The following NRXN3 variants were observed in gnomAD, a reference collection of about 807,000 sequenced individuals.
The protein encoded by NRXN3 is neurexin 3.
NRXN3 carries 32 observed loss-of-function variants against 137.6 expected under a neutral mutation model. The ratio of observed to expected loss-of-function variants is 0.23; its 90% CI spans 0.18 to 0.31. The LOEUF (loss-of-function observed/expected upper bound fraction) is 0.31, where lower values mean the gene tolerates loss of function less well. NRXN3 is among the 10% of genes least tolerant of loss of function. The pLI, the probability that NRXN3 is intolerant of heterozygous loss-of-function variation, is 1.00. For synonymous variants in NRXN3, 798 were observed against 784.5 expected (o/e 1.02, Z -0.29); for missense variants, 1,574 against 2,062.5 (o/e 0.76, Z 4.59).
chr14:78,211,417 G>A (rs1010237716), intron 1 of NRXN3, among the ~76,000 whole-genome samples: 5 of 152,192 alleles, frequency 3.3e-5, no homozygotes, highest in Admixed American at 6.5e-5. Flanking sequence ...CCACCACTGT[G>A]GGTAGAGTTT....
At chr14:79,287,577 T>C (rs2082479135) in intron 15 of NRXN3, among the ~76,000 whole-genome samples, 2 of 152,200 alleles carry the variant, frequency 1.3e-5, no homozygotes, top group Admixed American at 1.3e-4. Flanking sequence ...GAAGTACTTC[T>C]TTTAATGCAA....
intron 15 of NRXN3, among the ~76,000 whole-genome samples, chr14:79,148,436 CT>C (rs2059500352): frequency 6.6e-6 from 1 of 152,150 alleles, no homozygotes; most frequent in African/African-American, 2.4e-5. Flanking sequence ...TTATTTCAGA[CT>C]CGGGAGTAGG....
chr14:78,350,784 T>C (rs1232278247), intron 4 of NRXN3, among the ~76,000 whole-genome samples: 1 of 152,078 alleles, frequency 6.6e-6, no homozygotes, highest in African/African-American at 2.4e-5. Context: ...GAGGGAACAA[T>C]GTAGACATAT....
intron 4 of NRXN3, among the ~76,000 whole-genome samples, chr14:78,434,022 A>G (rs2093979487): frequency 6.6e-6 from 1 of 152,202 alleles, no homozygotes; most frequent in South Asian, 2.1e-4. Flanking sequence ...AGCCCAGCCT[A>G]CGTTAAACAT....
chr14:79,290,999 G>T (rs2083093369), intron 15 of NRXN3, among the ~76,000 whole-genome samples: 1 of 152,178 alleles, frequency 6.6e-6, no homozygotes, highest in Admixed American at 6.6e-5. Context: ...CTCAGCTGTG[G>T]GGAGAATTTG....
Position 78,645,256 on chromosome 14 carries a change from C to A in NRXN3, c.894C>A (p.His298Gln). The change falls in exon 5 of 21, where the codon CAC becomes CAA. Residue 298 changes from histidine to glutamine, a missense_variant. By Grantham distance (24) the His-to-Gln change is conservative (BLOSUM62 0). Transcript: ENST00000335750. Reference protein sequence around the residue: ...KTWQRNGLILHTGKSADYVNL... With the variant: ...KTWQRNGLILQTGKSADYVNL... Reference sequence around the variant, plus strand: ...GGCAGCGTAACGGCCTCATCCTGCACACGGGCAAGTCGGCTGACTATGTCA... The same window carrying A: ...GGCAGCGTAACGGCCTCATCCTGCAAACGGGCAAGTCGGCTGACTATGTCA... 6.3e-7 allele frequency: 1 copy of A among 1,598,888 alleles called. No individual in the cohort carries two copies. Among genetic ancestry groups the A allele is most frequent in the Non-Finnish European group, 8.5e-7 (1 of 1,179,812 alleles).
chr14:79,467,198 T>C lies in NRXN3; in HGVS notation c.3263-23T>C, dbSNP rs1258724370. 4 of 1,583,082 alleles carry C rather than the reference T, an allele frequency of 2.5e-6. No homozygotes were observed. The East Asian group carries it at 6.8e-5, about 27-fold the overall frequency. On this transcript the variant is annotated intron_variant, in intron 15 of 20. Transcript: ENST00000335750. Reference sequence around the variant, plus strand: ...GTATGCAATGTAGTGCCTTGATGTCTCCCTCTCTCCTTGCTTTTGCAGCTG... The same window carrying C: ...GTATGCAATGTAGTGCCTTGATGTCCCCCTCTCTCCTTGCTTTTGCAGCTG...
At chr14:78,812,160 C>A (rs965498120) in intron 10 of NRXN3, among the ~76,000 whole-genome samples, 3 of 152,170 alleles carry the variant, frequency 2.0e-5, no homozygotes, top group African/African-American at 7.2e-5. Flanking sequence ...CCCAAGATTT[C>A]TTTTCTGGTC....
chr14:78,841,881 A>C (rs926235101), intron 10 of NRXN3, among the ~76,000 whole-genome samples: 4 of 152,140 alleles, frequency 2.6e-5, no homozygotes, highest in Non-Finnish European at 5.9e-5. Context: ...TAATTTTAAT[A>C]AGTTTGGTAG....
intron 16 of NRXN3, among the ~76,000 whole-genome samples, chr14:79,486,515 C>CAA (rs777845638): frequency 7.2e-5 from 11 of 152,168 alleles, no homozygotes; most frequent in African/African-American, 9.7e-5. Context: ...ACCATGGTGA[C>CAA]AAACGGAGCC....
intron 2 of NRXN3, 79 bp from the exon 3 acceptor site, chr14:78,278,566 T>C: frequency 1.9e-6 from 2 of 1,057,382 alleles, no homozygotes; most frequent in Admixed American, 2.0e-5. Flanking sequence ...TGTGTGTGTG[T>C]GCTGCTAACA....
intron 4 of NRXN3, among the ~76,000 whole-genome samples, chr14:78,325,662 C>A (rs764596506): frequency 2.0e-5 from 3 of 151,912 alleles, no homozygotes; most frequent in Admixed American, 6.6e-5. Flanking sequence ...TGAAAAAAAG[C>A]ATAGGGTGTA....
chr14:78,811,990 T>C (rs2098915143), intron 10 of NRXN3, among the ~76,000 whole-genome samples: 1 of 152,216 alleles, frequency 6.6e-6, no homozygotes, highest in Non-Finnish European at 1.5e-5. Context: ...TTTCTGTTCC[T>C]GTTTTTTTGG....
chr14:78,662,000 G>C (rs574607574), intron 6 of NRXN3, among the ~76,000 whole-genome samples: 1 of 150,784 alleles, frequency 6.6e-6, no homozygotes, highest in African/African-American at 2.4e-5. Flanking sequence ...CTCAGTCTCC[G>C]AAGTAGCTGG....
rs148560428 is a variant in NRXN3, at chr14:78,573,641, G to T, written c.758-71479G>T. ...TTTCTAAGCAGCAAATCATTCAAGA[G>T]GTGACTTGGGTGTTCTTAAAAGCAT... On this transcript the variant is annotated intron_variant, in intron 4 of 20. Coordinates refer to ENST00000335750, the MANE Select transcript of NRXN3 (RefSeq NM_001330195.2). 6.3e-3 allele frequency among the ~76,000 whole-genome samples: 953 copies of T among 152,322 alleles called. 43 individuals are homozygous for T. Among genetic ancestry groups the T allele is most frequent in the Admixed American group, 0.053 (817 of 15,300 alleles).
chr14:78,715,045 C>T lies in NRXN3; in HGVS notation c.1950C>T (p.Tyr650=), dbSNP rs1245636143. The part of the protein sequence containing the change: ...SRMSAKQCDS[Y]PCKNNAVCKD... The stretch of plus-strand genomic sequence containing the variant: ...TGAGTGCCAAGCAGTGTGACAGCTA[C>T]CCCTGCAAGAATAATGCTGTGTGCA... Residue 650 remains tyrosine (Y), a synonymous_variant, in exon 8 of 21, where the codon TAC becomes TAT. Transcript: ENST00000335750. 3.7e-6 allele frequency: 6 copies of T among 1,613,778 alleles called. No homozygotes were observed. The highest frequency in any genetic ancestry group is 5.1e-6 in the Non-Finnish European group (6 of 1,180,034).
chr14:79,365,752 AAG>A (rs2093868355), intron 15 of NRXN3, among the ~76,000 whole-genome samples: 2 of 149,120 alleles, frequency 1.3e-5, no homozygotes, highest in African/African-American at 2.4e-5. Context: ...AAAGAAAAAA[AAG>A]AAGAGTTTTA....
chr14:79,620,739 T>A (rs866754414), intron 16 of NRXN3, among the ~76,000 whole-genome samples: 6 of 152,098 alleles, frequency 3.9e-5, no homozygotes, highest in Middle Eastern at 3.2e-3. Context: ...CAAGCATAGA[T>A]ACTTTGGAGG....
chr14:79,641,651 C>T (rs912829261), intron 16 of NRXN3, among the ~76,000 whole-genome samples: 10 of 134,970 alleles, frequency 7.4e-5, no homozygotes, highest in African/African-American at 2.5e-4. Context: ...TTCTGGGGCT[C>T]AAACTGAAGG....
Sources: allele counts gnomAD v4.1 joint callset (sites outside exome capture counted in the v4.1 genomes callset), GRCh38; gene constraint gnomAD v4.1.1; transcripts MANE v1.5; gene names NCBI Gene and HGNC (gene_info 2026-07-23, HGNC 2026-07-21).